The following SEPTIN9 variants were observed in gnomAD, a reference collection of about 807,000 sequenced individuals.
SEPTIN9 encodes the protein septin-9.
In SEPTIN9, 13 loss-of-function variants were observed where a neutral mutation model predicts 56.6. The ratio of observed to expected loss-of-function variants is 0.23; its 90% CI spans 0.15 to 0.37. The LOEUF (loss-of-function observed/expected upper bound fraction) is 0.37. SEPTIN9 is among the 10% of genes least tolerant of loss of function. The probability of loss-of-function intolerance (pLI) is 1.00; values close to 1 mark genes in which losing one functional copy is unlikely to be tolerated. For missense variants in SEPTIN9, 650 were observed against 823.1 expected (o/e 0.79, Z 2.57); for synonymous variants, 332 against 334.1 (o/e 0.99, Z 0.07).
intron 3 of SEPTIN9, among the ~76,000 whole-genome samples, chr17:77,411,814 C>T (rs1179248633): frequency 6.6e-6 from 1 of 152,166 alleles, no homozygotes; most frequent in Admixed American, 6.5e-5. Context: ...TAGTGAATTT[C>T]TGTGTCAAGG....
Position 77,405,149 on chromosome 17 carries a change from A to T in SEPTIN9, c.721+2446A>T, listed in dbSNP as rs1182187096. On this transcript the variant is annotated intron_variant, in intron 3 of 11. Transcript: ENST00000427177. The surrounding 1 kb of genome is among the most constrained non-coding windows in gnomAD (Gnocchi z 5.8). ...CTGGCTCTGGGGGACAGGTAGGGGGATGTCCATGGGGATGTACAAGAACAT... is the reference window on the plus strand; with the variant it reads ...CTGGCTCTGGGGGACAGGTAGGGGGTTGTCCATGGGGATGTACAAGAACAT... The T allele has an allele frequency of 2.6e-6, 4 of 1,529,970 alleles. No homozygotes were observed. Among genetic ancestry groups the T allele is most frequent in the Non-Finnish European group, 3.5e-6 (4 of 1,142,190 alleles). The allele number at this position is 1,529,970 out of a possible 1,614,324, so 94.8% of individuals were successfully genotyped here. A position where few individuals can be genotyped will look rare whatever the true frequency, so the allele number is the denominator to read the frequency against.
chr17:77,460,531 T>C (rs1234601489), intron 3 of SEPTIN9, among the ~76,000 whole-genome samples: 1 of 152,198 alleles, frequency 6.6e-6, no homozygotes, highest in Admixed American at 6.5e-5. Context: ...CCAAGGCTCC[T>C]GGCTGGCGTG....
At chr17:77,321,816 G>A (rs915370867) in intron 2 of SEPTIN9, among the ~76,000 whole-genome samples, 2 of 152,236 alleles carry the variant, frequency 1.3e-5, no homozygotes, top group Admixed American at 6.5e-5. Context: ...GAAGGCTTGG[G>A]TGGCAGTGAA....
chr17:77,462,518 G>A (rs772320236), intron 3 of SEPTIN9, among the ~76,000 whole-genome samples: 6 of 152,190 alleles, frequency 3.9e-5, no homozygotes, highest in African/African-American at 1.4e-4. Flanking sequence ...TCCTGGGCTC[G>A]AGCAATCCTC....
At chr17:77,303,706 A>ATAC (rs2143578162) in intron 1 of SEPTIN9, among the ~76,000 whole-genome samples, 1 of 151,972 alleles carries the variant, frequency 6.6e-6, no homozygotes, top group South Asian at 2.1e-4. Flanking sequence ...AATAATAATA[A>ATAC]TAATAATATC....
At chr17:77,485,417 A>G (rs2039734787) in intron 4 of SEPTIN9, among the ~76,000 whole-genome samples, 1 of 145,232 alleles carries the variant, frequency 6.9e-6, no homozygotes, top group South Asian at 2.2e-4. Flanking sequence ...TTGTGATGAC[A>G]GTGGTGGTGG....
intron 1 of SEPTIN9, among the ~76,000 whole-genome samples, chr17:77,300,708 G>T (rs1344894369): frequency 3.6e-4 from 8 of 22,452 alleles, no homozygotes; most frequent in African/African-American, 1.1e-3. Flanking sequence ...GGCTCAAACC[G>T]CCCCCACCCC....
chr17:77,477,664 G>GA (rs768359068), intron 3 of SEPTIN9, among the ~76,000 whole-genome samples: 2 of 152,202 alleles, frequency 1.3e-5, no homozygotes, highest in Non-Finnish European at 2.9e-5. Context: ...CAGGAGCTGG[G>GA]AGGGAGGTCA....
At chr17:77,427,537 A>G (rs1387325210) in intron 3 of SEPTIN9, among the ~76,000 whole-genome samples, 1 of 152,222 alleles carries the variant, frequency 6.6e-6, no homozygotes, top group Non-Finnish European at 1.5e-5. Context: ...TTCCATCTGC[A>G]GGAGTGGTCA....
At position 77,308,621 on chromosome 17, in the gene SEPTIN9, G is replaced by A. The variant is rs569962050; in HGVS notation, c.76+1424G>A. On this transcript the variant is annotated intron_variant, in intron 2 of 11. Transcript: ENST00000427177. ...TAAATGGATTTCCACTTATATCTACGTGTGGCTAGTGGCTATGAAACTGAA... is the reference window on the plus strand; with the variant it reads ...TAAATGGATTTCCACTTATATCTACATGTGGCTAGTGGCTATGAAACTGAA... 4.6e-5 allele frequency among the ~76,000 whole-genome samples: 7 copies of A among 152,214 alleles called. No individual in the cohort carries two copies. In the South Asian group the frequency reaches 6.2e-4, roughly 14 times the overall value.
chr17:77,286,936 T>G (rs1013795486), intron 1 of SEPTIN9, among the ~76,000 whole-genome samples: 1 of 152,152 alleles, frequency 6.6e-6, no homozygotes, highest in Non-Finnish European at 1.5e-5. Context: ...CGCCTCTGTT[T>G]GTTGGAGCTA....
rs149285590 is a variant in SEPTIN9, at chr17:77,304,061, C to T, written c.20-3080C>T. On this transcript the variant is annotated intron_variant, in intron 1 of 11. Coordinates refer to ENST00000427177, the MANE Select transcript of SEPTIN9 (RefSeq NM_001113491.2). Reference sequence around the variant, plus strand: ...ATAACTCACTTCTCAACTGGAGCCACGGAATCGTTAGATGTCTTGGAGACT... The same window carrying T: ...ATAACTCACTTCTCAACTGGAGCCATGGAATCGTTAGATGTCTTGGAGACT... 2.6e-3 allele frequency among the ~76,000 whole-genome samples: 402 copies of T among 152,352 alleles called. 4 individuals carry two copies. The highest frequency in any genetic ancestry group is 8.7e-3 in the African/African-American group (363 of 41,588).
chr17:77,477,585 C>T (rs868246154), intron 3 of SEPTIN9, among the ~76,000 whole-genome samples: 14 of 152,184 alleles, frequency 9.2e-5, no homozygotes, highest in Non-Finnish European at 1.5e-4. Flanking sequence ...GTGCTACTCA[C>T]GGGCTGCACT....
intron 4 of SEPTIN9, 96 bp downstream of exon 4, chr17:77,482,431 G>T (rs1447326784): frequency 3.2e-6 from 4 of 1,246,582 alleles, no homozygotes; most frequent in Non-Finnish European, 4.6e-6. Context: ...CTTCCCTTCT[G>T]TAAAATGGGG....
At chr17:77,460,616 C>T (rs749991201) in intron 3 of SEPTIN9, among the ~76,000 whole-genome samples, 1 of 152,102 alleles carries the variant, frequency 6.6e-6, no homozygotes, top group African/African-American at 2.4e-5. Flanking sequence ...CAGAAATGGC[C>T]CAGGAAACCG....
At position 77,317,829 on chromosome 17, in the gene SEPTIN9, G is replaced by C. The variant is rs1180943041; in HGVS notation, c.76+10632G>C. Among the ~76,000 whole-genome samples the C allele has an allele frequency of 1.3e-5, 2 of 152,082 alleles. No individual in the cohort carries two copies. The stretch of plus-strand genomic sequence containing the variant: ...GCACTTTGGGAGGCCAAGGCTGGCG[G>C]ATCACGAGGTCAGGAGTTCAAGATC... On this transcript the variant is annotated intron_variant, in intron 2 of 11. Transcript: ENST00000427177. The surrounding 1 kb of genome is among the most constrained non-coding windows in gnomAD (Gnocchi z 4.2).
rs556221660 is a variant in SEPTIN9, at chr17:77,452,013, GC to G, written c.722-30129del. On this transcript the variant is annotated intron_variant, in intron 3 of 11. Transcript: ENST00000427177. The stretch of plus-strand genomic sequence containing the variant: ...TGGAGATAGTCTCAATGCTCGAAAT[GC>G]CGTAACCGAAGCTCCCCGCGGCGCC... Among the ~76,000 whole-genome samples the G allele has an allele frequency of 1.1e-4, 16 of 152,330 alleles. 1 individual carries two copies. The South Asian group carries it at 2.5e-3, about 24-fold the overall frequency.
In SEPTIN9 at chr17:77,354,129, T is replaced by C. The variant is rs987528338; in HGVS notation, c.76+46932T>C. On this transcript the variant is annotated intron_variant, in intron 2 of 11. Coordinates refer to ENST00000427177, the MANE Select transcript of SEPTIN9 (RefSeq NM_001113491.2). The stretch of plus-strand genomic sequence containing the variant: ...GCTCTGCTTTAAGCTTGTGTCTTAT[T>C]TTTTACTTATTTAGCAAATCTGTCG... Among the ~76,000 whole-genome samples the C allele has an allele frequency of 5.3e-4, 80 of 152,304 alleles. 1 individual carries two copies. The highest frequency in any genetic ancestry group is 3.5e-3 in the Admixed American group (54 of 15,294).
intron 2 of SEPTIN9, among the ~76,000 whole-genome samples, chr17:77,316,785 C>T (rs769754597): frequency 6.6e-6 from 1 of 151,744 alleles, no homozygotes; most frequent in Admixed American, 6.6e-5. Flanking sequence ...TAGCTCACAG[C>T]AGCCTCGAAC....
Sources: gnomAD v4.1 joint callset for allele counts (sites outside exome capture counted in the v4.1 genomes callset) on GRCh38, gnomAD v4.1.1 for gene constraint, Gnocchi (gnomAD v3.1) non-coding constraint, MANE v1.5 for transcripts, NCBI Gene and HGNC (gene_info 2026-07-23, HGNC 2026-07-21) for gene names.